The following PIAS1 variants were observed in gnomAD, a reference collection of about 807,000 sequenced individuals.
PIAS1 encodes protein inhibitor of activated STAT 1.
In PIAS1, 6 loss-of-function variants were observed where a neutral mutation model predicts 71.3. That is an observed-to-expected ratio of 0.08 (90% CI 0.05 to 0.17). PIAS1 has a LOEUF of 0.17. Ranked by LOEUF, PIAS1 falls within the 10% of genes least tolerant of loss-of-function variation. The pLI, the probability that PIAS1 is intolerant of heterozygous loss-of-function variation, is 1.00. For synonymous variants in PIAS1, 303 were observed against 292.9 expected (o/e 1.03, Z -0.35); for missense variants, 555 against 793.6 (o/e 0.70, Z 3.61).
chr15:68,114,144 A>G (rs185836918), intron 2 of PIAS1, among the ~76,000 whole-genome samples: 1 of 152,234 alleles, frequency 6.6e-6, no homozygotes, highest in Non-Finnish European at 1.5e-5. Flanking sequence ...CTCAATGTGA[A>G]GAATTTTGTA....
intron 7 of PIAS1, among the ~76,000 whole-genome samples, chr15:68,162,690 G>A (rs1370238843): frequency 6.6e-6 from 1 of 152,188 alleles, no homozygotes; most frequent in Non-Finnish European, 1.5e-5. Context: ...GAGGGGTGAG[G>A]AGAAGGGCTG....
intron 2 of PIAS1, among the ~76,000 whole-genome samples, chr15:68,125,276 A>G (rs2092642682): frequency 6.6e-6 from 1 of 152,044 alleles, no homozygotes. Flanking sequence ...AATTCTGTCA[A>G]TTTCATGTTC....
At chr15:68,055,474 C>T (rs2091885425) in intron 1 of PIAS1, among the ~76,000 whole-genome samples, 1 of 152,074 alleles carries the variant, frequency 6.6e-6, no homozygotes, top group Non-Finnish European at 1.5e-5. Flanking sequence ...AGCAGATATA[C>T]CACTACACAA....
chr15:68,106,341 A>G (rs1399152604), intron 2 of PIAS1, among the ~76,000 whole-genome samples: 1 of 137,820 alleles, frequency 7.3e-6, no homozygotes, highest in Non-Finnish European at 1.6e-5. Flanking sequence ...CATGATGAAA[A>G]TGACCTTTGC....
chr15:68,094,755 A>G (rs971788515), intron 2 of PIAS1, among the ~76,000 whole-genome samples: 2 of 152,200 alleles, frequency 1.3e-5, no homozygotes, highest in South Asian at 4.1e-4. Flanking sequence ...GTGCTCCTCT[A>G]TACTTGAATT....
At chr15:68,109,347 G>A (rs1169033078) in intron 2 of PIAS1, among the ~76,000 whole-genome samples, 1 of 152,120 alleles carries the variant, frequency 6.6e-6, no homozygotes, top group Admixed American at 6.5e-5. Context: ...TTTACTATGT[G>A]TATTATTTAT....
chr15:68,096,712 T>G (rs1489038119), intron 2 of PIAS1, among the ~76,000 whole-genome samples: 1 of 152,188 alleles, frequency 6.6e-6, no homozygotes, highest in African/African-American at 2.4e-5. Flanking sequence ...CTTTTCAGTG[T>G]GTTCATTGTT....
Position 68,188,275 on chromosome 15 carries a change from G to A in PIAS1, c.*440G>A, listed in dbSNP as rs771735001. On this transcript the variant is annotated 3_prime_UTR_variant, in exon 14 of 14. Transcript: ENST00000249636. Reference sequence around the variant, plus strand: ...TGGGCTTTTCTTTGTTGTGGGGAGGGGGTCGGGGGATAGTTTGATTTCCAT... The same window carrying A: ...TGGGCTTTTCTTTGTTGTGGGGAGGAGGTCGGGGGATAGTTTGATTTCCAT... 3.2e-5 allele frequency: 5 copies of A among 156,996 alleles called. No homozygotes were observed. The highest frequency in any genetic ancestry group is 7.1e-5 in the Non-Finnish European group (5 of 70,912). 9.7% of individuals were successfully genotyped at this position (156,996 alleles called of 1,614,324 possible).
intron 2 of PIAS1, among the ~76,000 whole-genome samples, chr15:68,119,849 A>G (rs1326876605): frequency 2.0e-5 from 3 of 152,214 alleles, no homozygotes; most frequent in Admixed American, 6.5e-5. Flanking sequence ...TGGAAGCTCT[A>G]CTATTATGTA....
intron 2 of PIAS1, 99 bp from the exon 3 acceptor site, chr15:68,141,847 T>C: frequency 1.4e-6 from 1 of 707,432 alleles, no homozygotes; most frequent in Non-Finnish European, 2.5e-6. Flanking sequence ...CTCTAGAATA[T>C]ATACCAGTTA....
rs772016203 is a variant in PIAS1 at position 68,086,734 on chromosome 15, A to G, written c.453A>G (p.Ile151Met). 3 of 1,605,422 alleles carry G rather than the reference A, an allele frequency of 1.9e-6. No individual in the cohort carries two copies. Among genetic ancestry groups the G allele is most frequent in the Non-Finnish European group, 2.6e-6 (3 of 1,172,198 alleles). Residue 151 changes from isoleucine (I) to methionine (M), a missense_variant, in exon 2 of 14, where the codon ATA becomes ATG. Ile to Met is a conservative substitution (Grantham distance 10). Around this residue, in one of 5 missense-constraint regions of PIAS1, gnomAD observed 134 missense variants for 203.4 expected, o/e 0.66. Coordinates refer to ENST00000249636, the MANE Select transcript of PIAS1 (RefSeq NM_016166.3). The surrounding 1 kb of genome is among the most constrained non-coding windows in gnomAD (Gnocchi z 7.2). The part of the protein sequence containing the change: ...LPFYDLLDEL[I>M]KPTSLASDNS... Reference sequence around the variant, plus strand: ...TTTATGATTTACTGGATGAACTGATAAAACCCACCAGTCTAGGTAAGATTA... The same window carrying G: ...TTTATGATTTACTGGATGAACTGATGAAACCCACCAGTCTAGGTAAGATTA...
intron 1 of PIAS1, among the ~76,000 whole-genome samples, chr15:68,072,804 A>T (rs2092113805): frequency 6.6e-6 from 1 of 152,068 alleles, no homozygotes; most frequent in Non-Finnish European, 1.5e-5. Context: ...TTATTTTTTT[A>T]TGTCCGTTTC....
Position 68,175,647 on chromosome 15 carries a change from G to A in PIAS1, c.1180G>A (p.Glu394Lys). Reference protein sequence around the residue: ...EHLIIDGLFMEILKYCTDCDE... With the variant: ...EHLIIDGLFMKILKYCTDCDE... ...ATTGTTTTCTTATAGCTTGTTTATGGAAATCCTAAAGTACTGTACAGACTG... is the reference window on the plus strand; with the variant it reads ...ATTGTTTTCTTATAGCTTGTTTATGAAAATCCTAAAGTACTGTACAGACTG... Residue 394 changes from glutamate to lysine, a missense_variant, in exon 10 of 14, where the codon GAA becomes AAA. By Grantham distance (56) the Glu-to-Lys change is moderately conservative. Coordinates refer to ENST00000249636, the MANE Select transcript of PIAS1 (RefSeq NM_016166.3). The A allele has an allele frequency of 6.7e-7, 1 of 1,496,910 alleles. No individual in the cohort carries two copies. Among genetic ancestry groups the A allele is most frequent in the Non-Finnish European group, 9.0e-7 (1 of 1,108,938 alleles). The allele number at this position is 1,496,910 out of a possible 1,614,324, so 92.7% of individuals were successfully genotyped here. A position where few individuals can be genotyped will look rare whatever the true frequency, so the allele number is the denominator to read the frequency against.
At chr15:68,166,162 AT>A (rs1272368776) in intron 8 of PIAS1, among the ~76,000 whole-genome samples, 1 of 152,096 alleles carries the variant, frequency 6.6e-6, no homozygotes. Flanking sequence ...ATATCTTTCT[AT>A]TCCTGTAACG....
chr15:68,092,173 A>T (rs965461185), intron 2 of PIAS1, among the ~76,000 whole-genome samples: 2 of 151,310 alleles, frequency 1.3e-5, no homozygotes, highest in Non-Finnish European at 3.0e-5. Flanking sequence ...AGTGTTACTT[A>T]TTTTTTTTCT....
chr15:68,171,371 C>A lies in PIAS1; in HGVS notation c.1009-2361C>A, dbSNP rs1489700016. On this transcript the variant is annotated intron_variant, in intron 8 of 13. Transcript: ENST00000249636. The surrounding 1 kb of genome is among the most constrained non-coding windows in gnomAD (Gnocchi z 4.4). ...AATATATATAAGTAAAGGGAGTACA[C>A]TCCAAAATAATGATAAAAAGTATAG... Among the ~76,000 whole-genome samples the A allele has an allele frequency of 6.6e-6, 1 of 151,870 alleles. No individual in the cohort carries two copies. The highest frequency in any genetic ancestry group is 1.5e-5 in the Non-Finnish European group (1 of 67,934).
At chr15:68,143,704 G>A (rs922101404) in intron 4 of PIAS1, among the ~76,000 whole-genome samples, 6 of 152,062 alleles carry the variant, frequency 3.9e-5, no homozygotes, top group African/African-American at 1.4e-4. Flanking sequence ...CATTTTGCTT[G>A]TGCTGATACT....
intron 7 of PIAS1, among the ~76,000 whole-genome samples, chr15:68,161,856 G>T (rs1259220528): frequency 6.8e-6 from 1 of 146,764 alleles, no homozygotes; most frequent in Non-Finnish European, 1.5e-5. Flanking sequence ...CTTGAACCTG[G>T]GATGCAGAGG....
chr15:68,152,395 T>C (rs28374836), intron 6 of PIAS1, among the ~76,000 whole-genome samples: 1,717 of 152,310 alleles, frequency 0.011, 31 homozygotes, highest in African/African-American at 0.04. Context: ...AATAAAAATA[T>C]GACCTTCCAG....
Sources: allele counts gnomAD v4.1 joint callset (sites outside exome capture counted in the v4.1 genomes callset), GRCh38; gene constraint gnomAD v4.1.1; regional missense constraint gnomAD v4.1.1; non-coding constraint Gnocchi (gnomAD v3.1); transcripts MANE v1.5; gene names NCBI Gene and HGNC (gene_info 2026-07-23, HGNC 2026-07-21).